Variants in CHM observed in about 807,000 individuals in gnomAD.
CHM encodes rab proteins geranylgeranyltransferase component A 1.
CHM carries 10 observed loss-of-function variants against 49.0 expected under a neutral mutation model. The ratio of observed to expected loss-of-function variants is 0.20; its 90% confidence interval spans 0.13 to 0.35. The LOEUF is 0.35. CHM is among the 10% of genes least tolerant of loss of function. The probability of loss-of-function intolerance (pLI) is 1.00; values close to 1 mark genes in which losing one functional copy is unlikely to be tolerated. For synonymous variants in CHM, 184 were observed against 167.5 expected (o/e 1.10, Z -0.76); for missense variants, 455 against 478.4 (o/e 0.95, Z 0.46).
Position 85,956,140 on chromosome X carries a change from A to G in CHM, c.1166+13T>C. ...ACTTTTAGAAGGGACAAGAAAATCA[A>G]TGGCAAACTTACCTGCAGAAACACT... On this transcript the variant is annotated intron_variant, in intron 8 of 14. Coordinates refer to ENST00000357749, the MANE Select transcript of CHM (RefSeq NM_000390.4). 1.7e-6 allele frequency: 2 copies of G among 1,195,518 alleles called. No homozygotes were observed. The highest frequency in any genetic ancestry group is 3.5e-5 in the South Asian group (2 of 56,472).
intron 12 of CHM, among the ~76,000 whole-genome samples, chrX:85,892,166 C>G (rs1478477925): frequency 9.0e-6 from 1 of 111,373 alleles, no homozygotes; most frequent in African/African-American, 3.3e-5. Flanking sequence ...ATGGGACTTG[C>G]CTTGTGTCAG....
intron 8 of CHM, among the ~76,000 whole-genome samples, chrX:85,925,175 A>G (rs1299118216): frequency 9.0e-6 from 1 of 111,496 alleles, no homozygotes; most frequent in Non-Finnish European, 1.9e-5. Flanking sequence ...ACTGAGGGTC[A>G]ACTTATATGT....
At chrX:85,998,129 ATATT>A (rs1174367101) in intron 2 of CHM, among the ~76,000 whole-genome samples, 1 of 109,556 alleles carries the variant, frequency 9.1e-6, no homozygotes, top group Non-Finnish European at 1.9e-5. Flanking sequence ...CTTTTGTCAA[ATATT>A]TATTTGTAAA....
chrX:85,869,594 T>A (rs1326349696), intron 14 of CHM, among the ~76,000 whole-genome samples: 1 of 111,613 alleles, frequency 9.0e-6, no homozygotes, highest in Non-Finnish European at 1.9e-5. Context: ...CTGGCCCTTG[T>A]TGATGCCAAT....
intron 8 of CHM, among the ~76,000 whole-genome samples, chrX:85,942,353 C>T (rs1008879082): frequency 7.0e-5 from 7 of 100,355 alleles, no homozygotes; most frequent in African/African-American, 2.5e-4. Flanking sequence ...TTTATAAGGT[C>T]TTAAGGAATG....
chrX:85,872,810 G>A (rs981715969), intron 14 of CHM, among the ~76,000 whole-genome samples: 1 of 111,323 alleles, frequency 9.0e-6, no homozygotes, highest in Admixed American at 9.6e-5. Flanking sequence ...TCATTCCCAC[G>A]ATGGAACTCA....
intron 3 of CHM, among the ~76,000 whole-genome samples, chrX:85,979,995 A>G (rs1296671043): frequency 2.7e-5 from 3 of 111,738 alleles, no homozygotes; most frequent in African/African-American, 9.7e-5. Flanking sequence ...ACTGTGGACC[A>G]GGGAAAGGGA....
At chrX:85,982,504 G>A (rs777614072) in intron 2 of CHM, among the ~76,000 whole-genome samples, 3 of 111,878 alleles carry the variant, frequency 2.7e-5, no homozygotes, top group South Asian at 3.8e-4. Flanking sequence ...TGTGAAGATC[G>A]CTGTTTTGGA....
chrX:85,921,379 A>T (rs747552150), intron 8 of CHM, among the ~76,000 whole-genome samples: 1 of 111,726 alleles, frequency 9.0e-6, no homozygotes, highest in Non-Finnish European at 1.9e-5. Context: ...AAGGCCTAAC[A>T]TAACACCTGG....
At chrX:85,909,058 C>T (rs987642362) in intron 9 of CHM, among the ~76,000 whole-genome samples, 1 of 111,717 alleles carries the variant, frequency 9.0e-6, no homozygotes, top group Non-Finnish European at 1.9e-5. Context: ...ATTCATCTTA[C>T]AGATAAAGGA....
rs766954249 is a variant in CHM at position 86,027,589 on chromosome X, T to C, written c.50-32A>G. On this transcript the variant is annotated intron_variant, in intron 1 of 14. Coordinates refer to ENST00000357749, the MANE Select transcript of CHM (RefSeq NM_000390.4). Reference sequence around the variant, plus strand: ...AAACACACACCCGTATCATTTAGAATGTAGAAATATATATATTTTACATAA... The same window carrying C: ...AAACACACACCCGTATCATTTAGAACGTAGAAATATATATATTTTACATAA... 1.6e-5 allele frequency: 18 copies of C among 1,123,220 alleles called. No individual in the cohort carries two copies. In the Admixed American group the frequency reaches 3.7e-4, roughly 23 times the overall value. 92.6% of individuals were successfully genotyped at this position (1,123,220 alleles called of 1,213,427 possible). A position where few individuals can be genotyped will look rare whatever the true frequency, so the allele number is the denominator to read the frequency against.
chrX:86,010,196 G>T (rs1317489918), intron 2 of CHM, among the ~76,000 whole-genome samples: 1 of 80,394 alleles, frequency 1.2e-5, no homozygotes, highest in African/African-American at 4.6e-5. Context: ...AGGGGTGGGG[G>T]GGTAGGGGGG....
chrX:85,991,356 C>T (rs927027055), intron 2 of CHM, among the ~76,000 whole-genome samples: 1 of 111,504 alleles, frequency 9.0e-6, no homozygotes, highest in Admixed American at 9.5e-5. Flanking sequence ...AAACTCAGTT[C>T]TCCTGAACTC....
intron 14 of CHM, among the ~76,000 whole-genome samples, chrX:85,865,137 A>C (rs1021279294): frequency 7.2e-5 from 8 of 111,370 alleles, no homozygotes; most frequent in African/African-American, 2.6e-4. Flanking sequence ...CAATTTCCTT[A>C]ATATTGTTTA....
chrX:86,029,401 G>C (rs1017571012), intron 1 of CHM, among the ~76,000 whole-genome samples: 1 of 111,696 alleles, frequency 9.0e-6, no homozygotes, highest in Non-Finnish European at 1.9e-5. Context: ...TAATGGCAAA[G>C]AAATACTCAG....
intron 12 of CHM, among the ~76,000 whole-genome samples, chrX:85,888,153 C>A (rs1007021191): frequency 1.3e-5 from 1 of 76,489 alleles, no homozygotes; most frequent in East Asian, 4.4e-4. Context: ...GCCTGGAGGC[C>A]TAAGAGGAAA....
intron 8 of CHM, among the ~76,000 whole-genome samples, chrX:85,922,158 TTACA>T (rs763684790): frequency 8.9e-6 from 1 of 112,015 alleles, no homozygotes; most frequent in Non-Finnish European, 1.9e-5. Context: ...TGTTTGTGGG[TTACA>T]TACTTATATT....
At chrX:86,005,228 A>G (rs1006710741) in intron 2 of CHM, among the ~76,000 whole-genome samples, 2 of 112,378 alleles carry the variant, frequency 1.8e-5, no homozygotes, top group African/African-American at 6.5e-5. Context: ...GAACAAAGAC[A>G]CAACATACCA....
In CHM at chrX:85,865,973, G is replaced by A. The variant is rs139360507; in HGVS notation, c.1771-1152C>T. The stretch of plus-strand genomic sequence containing the variant: ...GAGATGCCTTCACATTGGAACTTAT[G>A]TTTAAAAGGGAAGCAGAGCATAAAG... On this transcript the variant is annotated intron_variant, in intron 14 of 14. Transcript: ENST00000357749. Among the ~76,000 whole-genome samples the A allele has an allele frequency of 6.0e-3, 673 of 112,543 alleles. 9 individuals are homozygous for A. In the East Asian group the frequency reaches 0.081, roughly 14 times the overall value.
Sources: gnomAD v4.1 joint callset for allele counts (sites outside exome capture counted in the v4.1 genomes callset) on GRCh38, gnomAD v4.1.1 for gene constraint, MANE v1.5 for transcripts, NCBI Gene and HGNC (gene_info 2026-07-23, HGNC 2026-07-21) for gene names.